The following POU6F2 variants were observed in gnomAD, a reference collection of about 807,000 sequenced individuals.
The protein encoded by POU6F2 is POU class 6 homeobox 2, also known as POU domain, class 6, transcription factor 2.
Under a neutral mutation model 71.3 loss-of-function variants are expected in POU6F2, and 31 were observed. That is an observed-to-expected ratio of 0.43 (90% CI 0.33 to 0.59). POU6F2 has a LOEUF of 0.59. POU6F2 is among the 20% of genes least tolerant of loss of function. POU6F2 has a pLI of 0.04. For synonymous variants in POU6F2, 347 were observed against 355.7 expected (o/e 0.98, Z 0.27); for missense variants, 783 against 856.8 (o/e 0.91, Z 1.07).
intron 2 of POU6F2, among the ~76,000 whole-genome samples, chr7:39,182,207 A>G (rs541576229): frequency 6.6e-6 from 1 of 152,360 alleles, no homozygotes; most frequent in East Asian, 1.9e-4. Context: ...ATATGTGCTA[A>G]GCACTCAGTT....
rs759457081 is a variant in POU6F2 at position 39,085,873 on chromosome 7, C to A, written c.119C>A (p.Ala40Asp). Residue 40 changes from alanine to aspartate, a missense_variant, in exon 2 of 10, where the codon GCT (alanine) becomes GAT (aspartate). Around this residue, in one of 2 missense-constraint regions of POU6F2, gnomAD observed 572 missense variants for 572.9 expected, o/e 1.00. Transcript: ENST00000518318. The stretch of plus-strand genomic sequence containing the variant: ...CGCCCATCCTAGGATCCAATGATAG[C>A]TGGACAAGTCAGTAAGCCCTTGCTG... The part of the protein sequence containing the change: ...QAVIGQDPMI[A>D]GQVSKPLLSV... The A allele has an allele frequency of 5.6e-6, 9 of 1,613,526 alleles. 1 individual carries two copies. In the East Asian group the frequency reaches 2.0e-4, roughly 36 times the overall value.
chr7:39,078,627 G>A (rs1791044697), intron 1 of POU6F2, among the ~76,000 whole-genome samples: 1 of 152,156 alleles, frequency 6.6e-6, no homozygotes, highest in South Asian at 2.1e-4. Context: ...ATCAATTAAG[G>A]CAACTGATCA....
At chr7:39,135,963 A>T (rs1441767213) in intron 2 of POU6F2, among the ~76,000 whole-genome samples, 3 of 152,228 alleles carry the variant, frequency 2.0e-5, no homozygotes, top group African/African-American at 7.2e-5. Flanking sequence ...ACAAGAACCA[A>T]TGACATTTCT....
chr7:39,150,944 G>A (rs775731709), intron 2 of POU6F2, among the ~76,000 whole-genome samples: 1 of 151,850 alleles, frequency 6.6e-6, no homozygotes, highest in Non-Finnish European at 1.5e-5. Flanking sequence ...CTTTATATGA[G>A]GTTATTTATA....
intron 5 of POU6F2, among the ~76,000 whole-genome samples, chr7:39,403,037 CAT>C (rs2115880535): frequency 6.6e-6 from 1 of 152,304 alleles, no homozygotes; most frequent in Admixed American, 6.5e-5. Context: ...ATATTCTTTT[CAT>C]ACCCATTTTA....
At chr7:39,193,212 C>T (rs546569614) in intron 2 of POU6F2, among the ~76,000 whole-genome samples, 41 of 152,094 alleles carry the variant, frequency 2.7e-4, no homozygotes, top group African/African-American at 9.4e-4. Flanking sequence ...TTTTTAAAGA[C>T]GATTGCGGGG....
At chr7:39,459,143 G>C (rs1788880926) in intron 8 of POU6F2, among the ~76,000 whole-genome samples, 1 of 152,176 alleles carries the variant, frequency 6.6e-6, no homozygotes, top group Non-Finnish European at 1.5e-5. Context: ...ACTCCCAGAA[G>C]TTACTTTTCA....
chr7:39,038,878 T>G (rs1177294086), intron 1 of POU6F2, among the ~76,000 whole-genome samples: 1 of 151,932 alleles, frequency 6.6e-6, no homozygotes, highest in Non-Finnish European at 1.5e-5. Flanking sequence ...CTTACCCCAG[T>G]ATCTCCTTCT....
At chr7:39,296,947 T>C (rs1411243248) in intron 4 of POU6F2, among the ~76,000 whole-genome samples, 1 of 152,134 alleles carries the variant, frequency 6.6e-6, no homozygotes, top group East Asian at 1.9e-4. Flanking sequence ...CAGGAGTTTT[T>C]AACATTAACA....
rs562417339 is a variant in POU6F2 at position 39,187,697 on chromosome 7, A to G, written c.278-16538A>G. Among the ~76,000 whole-genome samples the G allele has an allele frequency of 5.3e-4, 80 of 152,360 alleles. 1 individual carries two copies. The South Asian group carries it at 0.014, about 28-fold the overall frequency. Reference sequence around the variant, plus strand: ...GAGCATATGTGGATTAGAAAGATGAACATGAATGGAAATGTGAAATTAGGA... The same window carrying G: ...GAGCATATGTGGATTAGAAAGATGAGCATGAATGGAAATGTGAAATTAGGA... On this transcript the variant is annotated intron_variant, in intron 2 of 9. Coordinates refer to ENST00000518318, the MANE Select transcript of POU6F2 (RefSeq NM_001370959.1).
chr7:38,994,805 C>T (rs900461181), intron 1 of POU6F2, among the ~76,000 whole-genome samples: 3 of 152,150 alleles, frequency 2.0e-5, no homozygotes, highest in African/African-American at 7.2e-5. Context: ...ATTCACAATG[C>T]CCTCAATTCC....
chr7:39,006,421 G>A (rs1789072889), intron 1 of POU6F2, among the ~76,000 whole-genome samples: 1 of 152,202 alleles, frequency 6.6e-6, no homozygotes. Flanking sequence ...CTGAGATTGT[G>A]CCACTGCATT....
chr7:39,238,762 T>G (rs967317290), intron 4 of POU6F2, among the ~76,000 whole-genome samples: 13 of 152,154 alleles, frequency 8.5e-5, no homozygotes, highest in Non-Finnish European at 1.3e-4. Flanking sequence ...TAGTGAAGAC[T>G]CCAGCTCCAA....
At chr7:39,268,573 G>T (rs538584740) in intron 4 of POU6F2, among the ~76,000 whole-genome samples, 6 of 152,094 alleles carry the variant, frequency 3.9e-5, no homozygotes, top group Admixed American at 2.0e-4. Context: ...TTTGTATTCC[G>T]TAGAAAAATA....
chr7:39,396,190 G>A (rs1787171471), intron 5 of POU6F2, among the ~76,000 whole-genome samples: 1 of 152,196 alleles, frequency 6.6e-6, no homozygotes. Context: ...TTTAGAGTTG[G>A]TGTGTCTCCA....
chr7:39,218,812 A>T (rs1353068984), intron 4 of POU6F2, among the ~76,000 whole-genome samples: 3 of 152,158 alleles, frequency 2.0e-5, no homozygotes, highest in Non-Finnish European at 2.9e-5. Context: ...CTTTAAGCTG[A>T]CCATGATTCG....
chr7:39,127,741 G>C (rs1562715972), intron 2 of POU6F2, among the ~76,000 whole-genome samples: 1 of 151,990 alleles, frequency 6.6e-6, no homozygotes, highest in Non-Finnish European at 1.5e-5. Flanking sequence ...GGAAGCAGCT[G>C]GAAAGGCTGT....
chr7:39,246,702 C>A (rs1196899083), intron 4 of POU6F2, among the ~76,000 whole-genome samples: 1 of 152,082 alleles, frequency 6.6e-6, no homozygotes, highest in Non-Finnish European at 1.5e-5. Context: ...CCTCATCATC[C>A]ATGGTGTAAT....
intron 2 of POU6F2, among the ~76,000 whole-genome samples, chr7:39,165,472 A>AGTCGT (rs1224021626): frequency 1.3e-5 from 2 of 152,246 alleles, no homozygotes; most frequent in Non-Finnish European, 2.9e-5. Flanking sequence ...TTGTTTCAAA[A>AGTCGT]GTCGTCAAAT....
Sources: gnomAD v4.1 joint callset for allele counts (sites outside exome capture counted in the v4.1 genomes callset) on GRCh38, gnomAD v4.1.1 for gene constraint, gnomAD v4.1.1 regional missense constraint, MANE v1.5 for transcripts, NCBI Gene and HGNC (gene_info 2026-07-23, HGNC 2026-07-21) for gene names.